The following CDNF variants were observed in gnomAD, a reference collection of about 807,000 sequenced individuals.
CDNF encodes cerebral dopamine neurotrophic factor.
Under a neutral mutation model 14.8 loss-of-function variants are expected in CDNF, and 9 were observed. That is an observed-to-expected ratio of 0.61 (90% CI 0.37 to 1.06). The LOEUF (loss-of-function observed/expected upper bound fraction) is 1.06. Ranked by LOEUF, CDNF falls within the 50% of genes least tolerant of loss-of-function variation. The probability of loss-of-function intolerance (pLI) is 0.01; values close to 1 mark genes in which losing one functional copy is unlikely to be tolerated. For synonymous variants in CDNF, 86 were observed against 87.2 expected, an observed-to-expected ratio of 0.99 and a Z score of 0.07; for missense variants, 228 against 228.4, an observed-to-expected ratio of 1.00 and a Z score of 0.01.
At chr10:14,822,128 G>C (rs1833742931) in intron 3 of CDNF, among the ~76,000 whole-genome samples, 2 of 152,202 alleles carry the variant, frequency 1.3e-5, no homozygotes, top group African/African-American at 4.8e-5. Flanking sequence ...TATCACAGCA[G>C]GTACAGCCCT....
rs748089256 is a variant in CDNF at position 14,837,935 on chromosome 10, C to A, written c.12G>T (p.Ala4=). The part of the protein sequence containing the change: MWC[A]SPVAVVAFCA... ...AAAAGGCCACCACAGCAACTGGGCT[C>A]GCGCACCACATGCTGGGCCAGCAGC... The change falls in exon 1 of 4, where the codon GCG becomes GCT. Residue 4 remains alanine (A), a synonymous_variant. Coordinates refer to ENST00000465530, the MANE Select transcript of CDNF (RefSeq NM_001029954.3). 6.3e-7 allele frequency: 1 copy of A among 1,599,036 alleles called. No homozygotes were observed. The highest frequency in any genetic ancestry group is 1.1e-5 in the South Asian group (1 of 89,054).
chr10:14,833,018 C>T (rs543655544), intron 1 of CDNF, among the ~76,000 whole-genome samples: 1 of 151,870 alleles, frequency 6.6e-6, no homozygotes, highest in South Asian at 2.1e-4. Context: ...TGTCACCACA[C>T]CTAGCTAATT....
At chr10:14,835,866 C>A (rs1188229775) in intron 1 of CDNF, among the ~76,000 whole-genome samples, 2 of 152,168 alleles carry the variant, frequency 1.3e-5, no homozygotes, top group East Asian at 3.8e-4. Flanking sequence ...CGGCAAACTA[C>A]TCAAAACCCA....
chr10:14,827,271 G>A (rs1006900071), intron 2 of CDNF, among the ~76,000 whole-genome samples: 3 of 151,778 alleles, frequency 2.0e-5, no homozygotes, highest in Non-Finnish European at 2.9e-5. Flanking sequence ...ACGGATAAAT[G>A]GCATGAGCTT....
chr10:14,829,895 G>A (rs370998463), intron 1 of CDNF, among the ~76,000 whole-genome samples: 2 of 152,138 alleles, frequency 1.3e-5, no homozygotes, highest in African/African-American at 2.4e-5. Flanking sequence ...CTCCCAAAGC[G>A]CTGGGATTAC....
intron 1 of CDNF, among the ~76,000 whole-genome samples, chr10:14,830,574 G>A (rs940219834): frequency 1.3e-5 from 2 of 151,828 alleles, no homozygotes; most frequent in Non-Finnish European, 2.9e-5. Context: ...GGCTGGGCAC[G>A]GTGGCTTATG....
intron 1 of CDNF, among the ~76,000 whole-genome samples, chr10:14,831,128 C>A (rs1833840351): frequency 1.3e-5 from 2 of 152,096 alleles, no homozygotes; most frequent in Non-Finnish European, 2.9e-5. Context: ...TTCAGTTCAC[C>A]CTTTATAATG....
At chr10:14,836,643 C>CT (rs1345765598) in intron 1 of CDNF, among the ~76,000 whole-genome samples, 2 of 152,236 alleles carry the variant, frequency 1.3e-5, no homozygotes, top group Non-Finnish European at 2.9e-5. Context: ...ATTATTAACA[C>CT]TTTAAGGACT....
At chr10:14,830,265 G>C (rs1833834119) in intron 1 of CDNF, among the ~76,000 whole-genome samples, 1 of 152,076 alleles carries the variant, frequency 6.6e-6, no homozygotes, top group Non-Finnish European at 1.5e-5. Flanking sequence ...ACTTTGCTCA[G>C]TGTCAAGGTA....
rs1833909691 is a variant in CDNF, at chr10:14,837,937, C to A, written c.10G>T (p.Ala4Ser). 33 of 1,597,224 alleles carry A rather than the reference C, an allele frequency of 2.1e-5. No individual in the cohort carries two copies. The highest frequency in any genetic ancestry group is 2.6e-5 in the Non-Finnish European group (31 of 1,173,474). ...AAGGCCACCACAGCAACTGGGCTCG[C>A]GCACCACATGCTGGGCCAGCAGCTT... is the stretch of plus-strand genomic sequence containing the variant. MWC[A>S]SPVAVVAFCA... is the part of the protein sequence containing the mutation. The change falls in exon 1 of 4, where the codon GCG (alanine) becomes TCG (serine). Residue 4 changes from alanine to serine, a missense_variant. Coordinates refer to ENST00000465530, the MANE Select transcript of CDNF (RefSeq NM_001029954.3).
intron 1 of CDNF, among the ~76,000 whole-genome samples, chr10:14,830,021 C>G (rs1262362016): frequency 6.6e-6 from 1 of 152,134 alleles, no homozygotes; most frequent in African/African-American, 2.4e-5. Context: ...GATACTCATA[C>G]GTCTCAAAAC....
intron 1 of CDNF, among the ~76,000 whole-genome samples, chr10:14,829,512 G>C (rs961752787): frequency 6.6e-6 from 1 of 152,150 alleles, no homozygotes; most frequent in Admixed American, 6.5e-5. Flanking sequence ...ATTTCTTCTA[G>C]TTCCTTATAT....
At chr10:14,820,236 T>C in intron 3 of CDNF, 78 bp from the exon 4 acceptor site, 1 of 1,430,962 alleles carries the variant, frequency 7.0e-7, no homozygotes, top group Non-Finnish European at 9.6e-7. Context: ...AAAAGGCATA[T>C]AGTTTGCTTA....
Position 14,825,593 on chromosome 10 carries a change from C to A in CDNF, c.271G>T (p.Ala91Ser). 1 of 1,613,952 alleles carries A rather than the reference C, an allele frequency of 6.2e-7. No homozygotes were observed. Among genetic ancestry groups the A allele is most frequent in the East Asian group, 2.2e-5 (1 of 44,870 alleles). The change falls in exon 3 of 4, where the codon GCA becomes TCA. Residue 91 changes from alanine to serine, a missense_variant. Physicochemically the swap from Ala to Ser is moderately conservative, Grantham distance 99. Coordinates refer to ENST00000465530, the MANE Select transcript of CDNF (RefSeq NM_001029954.3). ...LCYYLGATKDAATKILSEVTR... is the reference protein window; with the variant it reads ...LCYYLGATKDSATKILSEVTR... The stretch of plus-strand genomic sequence containing the variant: ...ACTTCACTTAGGATCTTTGTGGCTG[C>A]GTCTTTTGTGGCTCCTAGATAATAG...
At chr10:14,825,073 C>A (rs1833768031) in intron 3 of CDNF, among the ~76,000 whole-genome samples, 1 of 151,984 alleles carries the variant, frequency 6.6e-6, no homozygotes, top group South Asian at 2.1e-4. Context: ...CCTGCCTCAG[C>A]CTCCCGAGTA....
At chr10:14,821,686 T>A (rs994224888) in intron 3 of CDNF, among the ~76,000 whole-genome samples, 1 of 152,206 alleles carries the variant, frequency 6.6e-6, no homozygotes, top group Non-Finnish European at 1.5e-5. Context: ...CAAGAGATTA[T>A]ACTTGCTTCA....
chr10:14,824,210 A>G (rs1012152524), intron 3 of CDNF, among the ~76,000 whole-genome samples: 1 of 152,230 alleles, frequency 6.6e-6, no homozygotes, highest in African/African-American at 2.4e-5. Flanking sequence ...ACATCCTTTT[A>G]TGATACCCAC....
At chr10:14,828,099 T>C (rs1833813686) in intron 2 of CDNF, 46 bp downstream of exon 2, 1 of 1,601,256 alleles carries the variant, frequency 6.2e-7, no homozygotes, top group African/African-American at 1.3e-5. Flanking sequence ...CTATTAGCAG[T>C]ATTCTTCAAG....
chr10:14,829,554 T>C (rs1281796969), intron 1 of CDNF, among the ~76,000 whole-genome samples: 2 of 152,216 alleles, frequency 1.3e-5, no homozygotes, highest in Admixed American at 6.5e-5. Context: ...GTTTTTTATA[T>C]CTTTAAACAC....
Sources: allele counts gnomAD v4.1 joint callset (sites outside exome capture counted in the v4.1 genomes callset), GRCh38; gene constraint gnomAD v4.1.1; transcripts MANE v1.5; gene names NCBI Gene and HGNC (gene_info 2026-07-23, HGNC 2026-07-21).